Variants in PCDHAC1 observed in about 807,000 individuals in gnomAD.
PCDHAC1 encodes the protein protocadherin alpha-C1.
PCDHAC1 carries 42 observed loss-of-function variants against 60.0 expected under a neutral mutation model. The observed-to-expected ratio is 0.70, with a 90% CI of 0.55 to 0.90. PCDHAC1 has a LOEUF of 0.90. Ranked by LOEUF, PCDHAC1 falls within the 40% of genes least tolerant of loss-of-function variation. PCDHAC1 has a pLI of 0.00. For synonymous variants in PCDHAC1, 468 were observed against 499.3 expected (o/e 0.94, Z 0.84); for missense variants, 1,160 against 1,222.3 (o/e 0.95, Z 0.76).
intron 1 of PCDHAC1, among the ~76,000 whole-genome samples, chr5:140,964,575 G>A (rs2153740589): frequency 6.6e-6 from 1 of 152,212 alleles, no homozygotes; most frequent in East Asian, 1.9e-4. Flanking sequence ...GGAGATAAGG[G>A]GAGGAAAGAT....
intron 1 of PCDHAC1, among the ~76,000 whole-genome samples, chr5:140,940,019 T>C (rs1554213082): frequency 6.6e-6 from 1 of 152,230 alleles, no homozygotes; most frequent in East Asian, 1.9e-4. Context: ...TTGTGTCATA[T>C]GTTTTAAGGC....
In PCDHAC1 at chr5:140,971,294, T is replaced by C. The variant is rs3776113; in HGVS notation, c.2434-7655T>C. Reference sequence around the variant, plus strand: ...CTGACCTGTATATTAATATGTACTTTGGTACACAAACATTTAATCTAGGGA... The same window carrying C: ...CTGACCTGTATATTAATATGTACTTCGGTACACAAACATTTAATCTAGGGA... On this transcript the variant is annotated intron_variant, in intron 1 of 3. Transcript: ENST00000253807. Among the ~76,000 whole-genome samples the C allele has an allele frequency of 6.4e-4, 97 of 152,362 alleles. No individual in the cohort carries two copies. In the East Asian group the frequency reaches 0.018, roughly 28 times the overall value.
chr5:140,967,201 A>G (rs1554229306), intron 1 of PCDHAC1: 7 of 1,613,620 alleles, frequency 4.3e-6, no homozygotes, highest in Non-Finnish European at 5.9e-6. Flanking sequence ...ACGACAACTC[A>G]CCGCGTTTCC....
chr5:140,931,626 A>G (rs1048704969), intron 1 of PCDHAC1, among the ~76,000 whole-genome samples: 1 of 152,052 alleles, frequency 6.6e-6, no homozygotes, highest in Non-Finnish European at 1.5e-5. Flanking sequence ...CTTTTTAGGT[A>G]GCTCATTGGT....
In PCDHAC1 at chr5:140,974,947, C is replaced by T. The variant is rs145175873; in HGVS notation, c.2434-4002C>T. On this transcript the variant is annotated intron_variant, in intron 1 of 3. Coordinates refer to ENST00000253807, the MANE Select transcript of PCDHAC1 (RefSeq NM_018898.5). ...GTTTAAAACACCACCTATTTGTTAT[C>T]TCACAGTCCTGTACCATGTGGCTGA... is the stretch of plus-strand genomic sequence containing the variant. 2.7e-3 allele frequency among the ~76,000 whole-genome samples: 417 copies of T among 152,322 alleles called. 3 individuals carry two copies. The highest frequency in any genetic ancestry group is 2.1e-3 in the Non-Finnish European group (142 of 68,022).
At chr5:140,934,684 A>G (rs1026507859) in intron 1 of PCDHAC1, among the ~76,000 whole-genome samples, 1 of 152,178 alleles carries the variant, frequency 6.6e-6, no homozygotes, top group African/African-American at 2.4e-5. Context: ...TATTCAAAAC[A>G]ATGAATTGAT....
intron 1 of PCDHAC1, among the ~76,000 whole-genome samples, chr5:140,940,939 C>T (rs930086780): frequency 2.0e-5 from 3 of 152,154 alleles, no homozygotes; most frequent in African/African-American, 2.4e-5. Context: ...ACTTAGACTA[C>T]GTATTCTCAG....
chr5:140,953,444 G>C (rs2094887278), intron 1 of PCDHAC1, among the ~76,000 whole-genome samples: 1 of 152,088 alleles, frequency 6.6e-6, no homozygotes, highest in South Asian at 2.1e-4. Context: ...GGAGAAACTA[G>C]GGATTATCTG....
At chr5:140,999,977 C>T (rs1554257051) in intron 3 of PCDHAC1, among the ~76,000 whole-genome samples, 1 of 152,068 alleles carries the variant, frequency 6.6e-6, no homozygotes, top group Non-Finnish European at 1.5e-5. Flanking sequence ...GCAGCTCTAG[C>T]GGCCTCTGGG....
chr5:141,000,499 C>T (rs2097942558), intron 3 of PCDHAC1, among the ~76,000 whole-genome samples: 1 of 138,650 alleles, frequency 7.2e-6, no homozygotes, highest in African/African-American at 2.7e-5. Context: ...AAGATCTCGG[C>T]TCACTGCAAC....
At chr5:140,959,549 A>G (rs1240469168) in intron 1 of PCDHAC1, among the ~76,000 whole-genome samples, 1 of 152,248 alleles carries the variant, frequency 6.6e-6, no homozygotes, top group East Asian at 1.9e-4. Flanking sequence ...TGCTGTATAA[A>G]TAGAATCAGT....
chr5:140,968,657 G>T (rs782383428), intron 1 of PCDHAC1: 16 of 1,614,142 alleles, frequency 9.9e-6, no homozygotes, highest in Non-Finnish European at 1.4e-5. Flanking sequence ...TTCTGACCTG[G>T]ACCTCTTTAA....
At chr5:140,979,178 G>C (rs782006168) in intron 2 of PCDHAC1, 171 bp downstream of exon 2, 32 of 944,022 alleles carry the variant, frequency 3.4e-5, no homozygotes, top group Non-Finnish European at 4.0e-5. Flanking sequence ...GATCGCAAAT[G>C]GTCAGTGCCA....
rs155361 is a variant in PCDHAC1 at position 140,927,699 on chromosome 5, G to A, written c.807G>A (p.Gln269=). ...DPDEGSNGEV[Q]YSLSNSTQAE... ...ATGAAGGGTCCAATGGGGAAGTCCA[G>A]TACTCCCTAAGCAACAGCACGCAAG... Residue 269 remains glutamine, a synonymous_variant, in exon 1 of 4, where the codon CAG becomes CAA. Coordinates refer to ENST00000253807, the MANE Select transcript of PCDHAC1 (RefSeq NM_018898.5). 0.52 allele frequency: 840,731 copies of A among 1,613,754 alleles called. 221,277 individuals carry two copies. The highest frequency in any genetic ancestry group is 0.71 in the African/African-American group (53,082 of 74,948).
chr5:140,979,961 C>G (rs1554241296), intron 2 of PCDHAC1, among the ~76,000 whole-genome samples: 1 of 152,054 alleles, frequency 6.6e-6, no homozygotes, highest in Non-Finnish European at 1.5e-5. Context: ...TAGTTTTAGC[C>G]CATTAAAATG....
chr5:140,969,311 G>A (rs2096317598), intron 1 of PCDHAC1: 2 of 1,614,050 alleles, frequency 1.2e-6, no homozygotes, highest in Non-Finnish European at 1.7e-6. Context: ...TCTCAAAAAT[G>A]AGGCTGTTTC....
Position 140,927,309 on chromosome 5 carries a change from C to T in PCDHAC1, c.417C>T (p.Pro139=), listed in dbSNP as rs2084071798. Residue 139 remains proline (P), a synonymous_variant, in exon 1 of 4, where the codon CCC becomes CCT. Transcript: ENST00000253807. ...VQLHIPEFLT[P]GARFTLPNAQ... is the part of the protein sequence containing the mutation. ...TGCACATCCCCGAGTTCCTGACGCC[C>T]GGAGCCCGCTTTACTCTCCCGAATG... The T allele has an allele frequency of 2.5e-6, 4 of 1,614,058 alleles. No individual in the cohort carries two copies. The highest frequency in any genetic ancestry group is 1.7e-5 in the Admixed American group (1 of 60,004).
At chr5:140,955,965 T>C (rs2095242955) in intron 1 of PCDHAC1, among the ~76,000 whole-genome samples, 1 of 152,204 alleles carries the variant, frequency 6.6e-6, no homozygotes, top group Admixed American at 6.5e-5. Context: ...TGTTTGTGCA[T>C]AGGAATGCTA....
intron 3 of PCDHAC1, among the ~76,000 whole-genome samples, chr5:140,993,092 G>A (rs1441562927): frequency 6.6e-6 from 1 of 152,222 alleles, no homozygotes; most frequent in East Asian, 1.9e-4. Flanking sequence ...GCAGGGCTAT[G>A]TTTATTCAGC....
Sources: gnomAD v4.1 joint callset for allele counts (sites outside exome capture counted in the v4.1 genomes callset) on GRCh38, gnomAD v4.1.1 for gene constraint, MANE v1.5 for transcripts, NCBI Gene and HGNC (gene_info 2026-07-23, HGNC 2026-07-21) for gene names.